Variants in DARS1 observed in about 807,000 individuals in gnomAD.
DARS1 encodes aspartyl-tRNA synthetase 1, also known as aspartate--tRNA ligase, cytoplasmic.
Under a neutral mutation model 68.8 loss-of-function variants are expected in DARS1, and 51 were observed. The ratio of observed to expected loss-of-function variants is 0.74; its 90% CI spans 0.59 to 0.94. DARS1 has a LOEUF of 0.94. Ranked by LOEUF, DARS1 falls within the 40% of genes least tolerant of loss-of-function variation. The pLI, the probability that DARS1 is intolerant of heterozygous loss-of-function variation, is 0.00. For missense variants in DARS1, 607 were observed against 597.3 expected, an observed-to-expected ratio of 1.02 and a Z score of -0.17; for synonymous variants, 203 against 190.4, an observed-to-expected ratio of 1.07 and a Z score of -0.55.
At chr2:135,916,992 G>C (rs910439182) in intron 10 of DARS1, among the ~76,000 whole-genome samples, 3 of 152,098 alleles carry the variant, frequency 2.0e-5, no homozygotes, top group African/African-American at 7.2e-5. Flanking sequence ...TTTAAGACCA[G>C]TCTGGCCAAC....
In DARS1 at chr2:135,953,609, T is replaced by C. The variant is rs371841980; in HGVS notation, c.320+7787A>G. Among the ~76,000 whole-genome samples the C allele has an allele frequency of 1.0e-3, 153 of 152,344 alleles. 5 individuals are homozygous for C. The South Asian group carries it at 0.029, about 29-fold the overall frequency. ...CTAGTGGTGTTAGGTTTCATGTTTT[T>C]AACTATCAAAATTTTTCTTATTGAG... On this transcript the variant is annotated intron_variant, in intron 4 of 15. Transcript: ENST00000264161.
At chr2:135,976,792 A>C (rs1329267198) in intron 3 of DARS1, among the ~76,000 whole-genome samples, 1 of 152,014 alleles carries the variant, frequency 6.6e-6, no homozygotes, top group Non-Finnish European at 1.5e-5. Flanking sequence ...CAAAAAAAAA[A>C]AAAAAAAAAA....
At chr2:135,948,225 C>G (rs1681769533) in intron 4 of DARS1, among the ~76,000 whole-genome samples, 1 of 152,202 alleles carries the variant, frequency 6.6e-6, no homozygotes, top group African/African-American at 2.4e-5. Flanking sequence ...GTAGGTGCAA[C>G]TGTTCAAGGA....
intron 4 of DARS1, among the ~76,000 whole-genome samples, chr2:135,952,910 G>A: frequency 6.6e-6 from 1 of 152,064 alleles, no homozygotes. Flanking sequence ...GGGATTACTG[G>A]ATCATATGGT....
chr2:135,909,907 C>T (rs1002808065), intron 15 of DARS1, among the ~76,000 whole-genome samples: 2 of 152,086 alleles, frequency 1.3e-5, no homozygotes, highest in Admixed American at 6.5e-5. Flanking sequence ...AAAAAATGCT[C>T]ATTGGAGCAC....
At chr2:135,915,952 T>C (rs936126788) in intron 11 of DARS1, among the ~76,000 whole-genome samples, 1 of 152,210 alleles carries the variant, frequency 6.6e-6, no homozygotes, top group Non-Finnish European at 1.5e-5. Context: ...AACACTTTTA[T>C]TTCAGATCAC....
intron 10 of DARS1, among the ~76,000 whole-genome samples, chr2:135,917,147 A>C (rs944567862): frequency 6.6e-6 from 1 of 152,190 alleles, no homozygotes; most frequent in Non-Finnish European, 1.5e-5. Flanking sequence ...GCGACAGAGC[A>C]AGACTCGTCT....
At chr2:135,983,691 T>C (rs1251843089) in intron 1 of DARS1, among the ~76,000 whole-genome samples, 1 of 152,214 alleles carries the variant, frequency 6.6e-6, no homozygotes, top group African/African-American at 2.4e-5. Context: ...CACTCCTAGA[T>C]GGATTTACCA....
At chr2:135,982,307 A>C (rs1682652334) in intron 2 of DARS1, among the ~76,000 whole-genome samples, 1 of 152,186 alleles carries the variant, frequency 6.6e-6, no homozygotes, top group Non-Finnish European at 1.5e-5. Flanking sequence ...TTTCAAAGAA[A>C]TATAAGGCCG....
chr2:135,936,073 TACTAG>T (rs1681466557), intron 5 of DARS1, among the ~76,000 whole-genome samples: 2 of 152,172 alleles, frequency 1.3e-5, no homozygotes, highest in Non-Finnish European at 1.5e-5. Flanking sequence ...TCATCCTCTT[TACTAG>T]ACCATGAGTA....
intron 7 of DARS1, 83 bp from the exon 8 acceptor site, chr2:135,924,581 C>A: frequency 2.0e-6 from 3 of 1,485,012 alleles, no homozygotes; most frequent in Non-Finnish European, 1.8e-6. Context: ...CTGTGGAAAC[C>A]TAACAATTCT....
intron 1 of DARS1, among the ~76,000 whole-genome samples, chr2:135,984,576 A>T (rs1682724965): frequency 6.6e-6 from 1 of 152,238 alleles, no homozygotes; most frequent in Non-Finnish European, 1.5e-5. Context: ...AAATTGTGTG[A>T]AGGACAAAAA....
rs747934762 is a variant in DARS1, at chr2:135,979,320, A to G, written c.171T>C (p.Asp57=). The change falls in exon 3 of 16, where the codon GAT becomes GAC. Residue 57 remains aspartate, a synonymous_variant. Coordinates refer to ENST00000264161, the MANE Select transcript of DARS1 (RefSeq NM_001349.4). ...RVRDLTIQKA[D]EVVWVRARVH... is the part of the protein sequence containing the mutation. ...CTCTTGCACGTACCCAAACAACTTC[A>G]TCAGCTTTTTGTATTGTCAAGTCTC... 2.0e-6 allele frequency: 3 copies of G among 1,532,766 alleles called. No homozygotes were observed. The highest frequency in any genetic ancestry group is 2.7e-6 in the Non-Finnish European group (3 of 1,105,616). The allele number at this position is 1,532,766 out of a possible 1,614,324, so 94.9% of individuals were successfully genotyped here.
At chr2:135,930,341 G>C (rs1435965001) in intron 7 of DARS1, among the ~76,000 whole-genome samples, 1 of 152,176 alleles carries the variant, frequency 6.6e-6, no homozygotes, top group African/African-American at 2.4e-5. Flanking sequence ...AGCAAACAAA[G>C]AGAACTTTAG....
At chr2:135,919,321 T>A (rs545956719) in intron 10 of DARS1, among the ~76,000 whole-genome samples, 1 of 152,266 alleles carries the variant, frequency 6.6e-6, no homozygotes, top group East Asian at 1.9e-4. Context: ...GTGAGCCACC[T>A]TGCCAGGCCA....
Position 135,985,539 on chromosome 2 carries a change from C to T in DARS1, c.-71G>A. The stretch of plus-strand genomic sequence containing the variant: ...TCCGTAAGGCAGGCCAAAGGGGCTT[C>T]TCCCTCCCTCCCAGTCTCCGCCCTC... On this transcript the variant is annotated 5_prime_UTR_variant, in exon 1 of 16. Coordinates refer to ENST00000264161, the MANE Select transcript of DARS1 (RefSeq NM_001349.4). The T allele has an allele frequency of 6.2e-7, 1 of 1,609,352 alleles. No homozygotes were observed. The highest frequency in any genetic ancestry group is 8.5e-7 in the Non-Finnish European group (1 of 1,178,058).
chr2:135,937,261 G>C (rs1346460725), intron 5 of DARS1, among the ~76,000 whole-genome samples: 1 of 151,952 alleles, frequency 6.6e-6, no homozygotes, highest in Admixed American at 6.6e-5. Context: ...GCTAATTTTT[G>C]TATTTTTAGT....
intron 15 of DARS1, among the ~76,000 whole-genome samples, chr2:135,910,214 C>G (rs1349969650): frequency 6.6e-6 from 1 of 152,104 alleles, no homozygotes; most frequent in Non-Finnish European, 1.5e-5. Flanking sequence ...TATGGTAATT[C>G]TCTTTGTAAT....
intron 10 of DARS1, among the ~76,000 whole-genome samples, chr2:135,919,628 A>C (rs1350643171): frequency 6.6e-6 from 1 of 152,200 alleles, no homozygotes. Context: ...TATTTTCTCT[A>C]TGTTAAACAT....
Sources: allele counts gnomAD v4.1 joint callset (sites outside exome capture counted in the v4.1 genomes callset), GRCh38; gene constraint gnomAD v4.1.1; transcripts MANE v1.5; gene names NCBI Gene and HGNC (gene_info 2026-07-23, HGNC 2026-07-21).